The following NRXN1 variants were observed in gnomAD, a reference collection of about 807,000 sequenced individuals.
NRXN1 encodes neurexin-1.
Under a neutral mutation model 150.9 loss-of-function variants are expected in NRXN1, and 39 were observed. The observed-to-expected ratio is 0.26, with a 90% CI of 0.20 to 0.34. The LOEUF (loss-of-function observed/expected upper bound fraction) is 0.34. Among genes scored for constraint, NRXN1 ranks in the 10% least tolerant of loss-of-function variants. The pLI, the probability that NRXN1 is intolerant of heterozygous loss-of-function variation, is 1.00. For missense variants in NRXN1, 1,815 were observed against 1,949.9 expected, an observed-to-expected ratio of 0.93 and a Z score of 1.30; for synonymous variants, 924 against 757.0, an observed-to-expected ratio of 1.22 and a Z score of -3.62.
intron 17 of NRXN1, among the ~76,000 whole-genome samples, chr2:50,272,305 G>A (rs1451316639): frequency 1.3e-5 from 2 of 152,192 alleles, no homozygotes; most frequent in Non-Finnish European, 2.9e-5. Context: ...TGCAAGTGGA[G>A]ACAGCCACAG....
chr2:50,938,887 T>C (rs867254399), intron 2 of NRXN1, among the ~76,000 whole-genome samples: 12 of 152,190 alleles, frequency 7.9e-5, no homozygotes, highest in South Asian at 2.1e-4. Flanking sequence ...AGTATATTTA[T>C]AGGAAGTAAA....
At chr2:50,936,441 A>G (rs577745457) in intron 2 of NRXN1, among the ~76,000 whole-genome samples, 1 of 152,302 alleles carries the variant, frequency 6.6e-6, no homozygotes, top group African/African-American at 2.4e-5. Flanking sequence ...AAACCTTAAT[A>G]CATTTCTGAC....
At chr2:50,675,007 T>G (rs1689355502) in intron 5 of NRXN1, among the ~76,000 whole-genome samples, 2 of 151,778 alleles carry the variant, frequency 1.3e-5, no homozygotes, top group Admixed American at 6.6e-5. Flanking sequence ...TGGCTTGGTG[T>G]TGTTCTCTGT....
chr2:50,880,156 G>T (rs1679212600), intron 5 of NRXN1, among the ~76,000 whole-genome samples: 1 of 151,888 alleles, frequency 6.6e-6, no homozygotes, highest in Admixed American at 6.6e-5. Context: ...AAGAAGCTGG[G>T]TTTTTTCCCT....
At chr2:50,941,526 G>C (rs1157563170) in intron 2 of NRXN1, among the ~76,000 whole-genome samples, 1 of 152,126 alleles carries the variant, frequency 6.6e-6, no homozygotes, top group Non-Finnish European at 1.5e-5. Context: ...AGAACCTCTT[G>C]GGAACTGGAG....
chr2:49,978,729 A>AG (rs1679452593), intron 21 of NRXN1, among the ~76,000 whole-genome samples: 1 of 151,868 alleles, frequency 6.6e-6, no homozygotes, highest in Non-Finnish European at 1.5e-5. Flanking sequence ...AAAAAAAAAA[A>AG]AAGATGACCA....
At chr2:49,949,815 G>A (rs764076856) in intron 21 of NRXN1, among the ~76,000 whole-genome samples, 2 of 151,786 alleles carry the variant, frequency 1.3e-5, no homozygotes, top group African/African-American at 4.8e-5. Flanking sequence ...TTAGTGGGTC[G>A]AGGACAGTGC....
At chr2:50,375,940 A>C (rs917400917) in intron 17 of NRXN1, among the ~76,000 whole-genome samples, 1 of 151,980 alleles carries the variant, frequency 6.6e-6, no homozygotes, top group Admixed American at 6.6e-5. Context: ...AAATAAGCCA[A>C]TAAGCCCTTA....
At chr2:50,198,020 C>G (rs527302906) in intron 18 of NRXN1, among the ~76,000 whole-genome samples, 1 of 152,134 alleles carries the variant, frequency 6.6e-6, no homozygotes, top group East Asian at 1.9e-4. Flanking sequence ...CTCAAGACAA[C>G]TCCCTCCTTA....
intron 17 of NRXN1, among the ~76,000 whole-genome samples, chr2:50,377,293 T>C (rs145271228): frequency 0.01 from 1,552 of 152,210 alleles, 10 homozygotes; most frequent in Non-Finnish European, 0.016. Context: ...TTCTCCTCCC[T>C]GTGGCCATGT....
intron 5 of NRXN1, among the ~76,000 whole-genome samples, chr2:50,737,768 CA>C (rs1698946799): frequency 6.6e-6 from 1 of 152,022 alleles, no homozygotes; most frequent in Non-Finnish European, 1.5e-5. Context: ...TGGGGTCACT[CA>C]ATGAAAATCG....
In NRXN1 at chr2:50,027,201, A is replaced by T. The variant is rs181345273; in HGVS notation, c.4128+26070T>A. On this transcript the variant is annotated intron_variant, in intron 21 of 22. Coordinates refer to ENST00000401669, the MANE Select transcript of NRXN1 (RefSeq NM_001330078.2). ...CTGGCCCTGTTTACTTTTTTCATTG[A>T]CTCTCCCTGCCTTAAGAGTAAAGCT... Among the ~76,000 whole-genome samples the T allele has an allele frequency of 1.1e-3, 159 of 149,216 alleles. 1 individual carries two copies. The highest frequency in any genetic ancestry group is 7.3e-4 in the Non-Finnish European group (49 of 67,162).
At chr2:50,993,459 TC>T (rs916844331) in intron 2 of NRXN1, among the ~76,000 whole-genome samples, 45 of 151,884 alleles carry the variant, frequency 3.0e-4, no homozygotes, top group African/African-American at 1.0e-3. Flanking sequence ...ACTCAGCCAT[TC>T]ACCCTTTCCC....
chr2:50,052,623 G>C, intron 21 of NRXN1, among the ~76,000 whole-genome samples: 1 of 151,954 alleles, frequency 6.6e-6, no homozygotes, highest in Middle Eastern at 3.2e-3. Flanking sequence ...AAAAATTTTA[G>C]GCACAAGATT....
Position 50,393,841 on chromosome 2 carries a change from A to G in NRXN1, c.3364+71601T>C, listed in dbSNP as rs571761083. Among the ~76,000 whole-genome samples the G allele has an allele frequency of 1.2e-4, 18 of 152,230 alleles. No homozygotes were observed. The South Asian group carries it at 3.7e-3, about 32-fold the overall frequency. ...TAAGAGGAAGAATTATGCGAGAAAAATCACAGGCAGCAAATAAACCCAAGA... is the reference window on the plus strand; with the variant it reads ...TAAGAGGAAGAATTATGCGAGAAAAGTCACAGGCAGCAAATAAACCCAAGA... On this transcript the variant is annotated intron_variant, in intron 17 of 22. Coordinates refer to ENST00000401669, the MANE Select transcript of NRXN1 (RefSeq NM_001330078.2).
At chr2:50,401,155 G>T (rs989863836) in intron 17 of NRXN1, among the ~76,000 whole-genome samples, 2 of 152,078 alleles carry the variant, frequency 1.3e-5, no homozygotes, top group Non-Finnish European at 2.9e-5. Context: ...GATACCAAGC[G>T]CTTTGTTTAG....
At chr2:50,173,035 CAT>C (rs1388796288) in intron 18 of NRXN1, among the ~76,000 whole-genome samples, 1 of 152,166 alleles carries the variant, frequency 6.6e-6, no homozygotes, top group Non-Finnish European at 1.5e-5. Flanking sequence ...GATAAATAAA[CAT>C]ATACGCGCAA....
chr2:50,235,262 A>AT (rs1449327231), intron 18 of NRXN1, among the ~76,000 whole-genome samples: 1 of 152,126 alleles, frequency 6.6e-6, no homozygotes, highest in African/African-American at 2.4e-5. Context: ...TACTAGTAAA[A>AT]TTTATCTTAA....
At chr2:49,996,194 G>A (rs1404703509) in intron 21 of NRXN1, among the ~76,000 whole-genome samples, 2 of 152,156 alleles carry the variant, frequency 1.3e-5, no homozygotes, top group African/African-American at 4.8e-5. Context: ...TATTATGAAA[G>A]TTCACAGAGG....
Sources: gnomAD v4.1 joint callset for allele counts (sites outside exome capture counted in the v4.1 genomes callset) on GRCh38, gnomAD v4.1.1 for gene constraint, MANE v1.5 for transcripts, NCBI Gene and HGNC (gene_info 2026-07-23, HGNC 2026-07-21) for gene names.